The following PATJ variants were observed in gnomAD, a reference collection of about 807,000 sequenced individuals.
The protein encoded by PATJ is PATJ crumbs cell polarity complex component.
A neutral mutation model predicts 224.9 loss-of-function variants in PATJ; 190 were observed. The ratio of observed to expected loss-of-function variants is 0.84; its 90% CI spans 0.75 to 0.95. PATJ has a LOEUF of 0.95. Among genes scored for constraint, PATJ ranks in the 40% least tolerant of loss-of-function variants. The pLI is 0.00. For missense variants in PATJ, 2,121 were observed against 2,270.3 expected (o/e 0.93, Z 1.34); for synonymous variants, 769 against 820.3 (o/e 0.94, Z 1.07).
At chr1:61,835,653 C>G (rs1218661505) in intron 17 of PATJ, among the ~76,000 whole-genome samples, 1 of 152,162 alleles carries the variant, frequency 6.6e-6, no homozygotes, top group East Asian at 1.9e-4. Context: ...ATTCCCCTGC[C>G]TCAGCCTCCT....
At chr1:62,014,072 C>T (rs569648220) in intron 28 of PATJ, among the ~76,000 whole-genome samples, 1 of 152,250 alleles carries the variant, frequency 6.6e-6, no homozygotes, top group South Asian at 2.1e-4. Flanking sequence ...CCGCACCCAG[C>T]CCCCCATTCT....
At chr1:62,075,409 A>G (rs1658120144) in intron 31 of PATJ, among the ~76,000 whole-genome samples, 1 of 152,262 alleles carries the variant, frequency 6.6e-6, no homozygotes, top group African/African-American at 2.4e-5. Context: ...TATTTCTGGC[A>G]CAATGATGGG....
chr1:61,827,754 A>G (rs1658532997), intron 16 of PATJ, among the ~76,000 whole-genome samples, 171 bp downstream of exon 16: 1 of 152,238 alleles, frequency 6.6e-6, no homozygotes, highest in African/African-American at 2.4e-5. Flanking sequence ...TTTAACATCA[A>G]AAAATTCTTT....
chr1:61,893,573 G>A (rs1355455715), intron 22 of PATJ, among the ~76,000 whole-genome samples: 1 of 151,430 alleles, frequency 6.6e-6, no homozygotes, highest in Non-Finnish European at 1.5e-5. Context: ...GGCTGAGGCA[G>A]GAGGATTGCT....
At chr1:61,855,517 C>T (rs995962349) in intron 17 of PATJ, among the ~76,000 whole-genome samples, 4 of 152,098 alleles carry the variant, frequency 2.6e-5, no homozygotes, top group Non-Finnish European at 5.9e-5. Flanking sequence ...CCTTCCACCT[C>T]AGCACCCCCT....
Position 62,080,340 on chromosome 1 carries a change from C to CT in PATJ, c.4243+782dup, listed in dbSNP as rs556436941. ...TAGGTATTTCTACTTGCTTTTTTTT[C>CT]TTTTTTTTTGAGACAGAGTCTCATT... On this transcript the variant is annotated intron_variant, in intron 32 of 43. Transcript: ENST00000642238. Among the ~76,000 whole-genome samples, 336 of 150,116 alleles carry CT rather than the reference C, an allele frequency of 2.2e-3. 1 individual carries two copies. The highest frequency in any genetic ancestry group is 3.5e-3 in the Non-Finnish European group (233 of 67,360).
intron 32 of PATJ, 64 bp downstream of exon 32, chr1:62,079,631 G>A: frequency 9.8e-7 from 1 of 1,020,284 alleles, no homozygotes. Flanking sequence ...GGATCATAAT[G>A]TCCTAAAACG....
chr1:61,834,216 C>G lies in PATJ; in HGVS notation c.2112+431C>G, dbSNP rs193246503. ...CATCTTCAACACCCAAAAAAGAAATCCCATACACATTAGCATTCGTTCCCA... is the reference window on the plus strand; with the variant it reads ...CATCTTCAACACCCAAAAAAGAAATGCCATACACATTAGCATTCGTTCCCA... On this transcript the variant is annotated intron_variant, in intron 17 of 43. Coordinates refer to ENST00000642238, the MANE Select transcript of PATJ (RefSeq NM_001350145.3). Among the ~76,000 whole-genome samples the G allele has an allele frequency of 2.9e-3, 448 of 152,140 alleles. 2 individuals carry two copies. The highest frequency in any genetic ancestry group is 0.01 in the African/African-American group (431 of 41,536).
Position 62,125,260 on chromosome 1 carries a change from A to C in PATJ, c.5043+2202A>C, listed in dbSNP as rs1012244781. Among the ~76,000 whole-genome samples the C allele has an allele frequency of 5.1e-3, 552 of 108,820 alleles. 9 individuals are homozygous for C. The highest frequency in any genetic ancestry group is 7.4e-3 in the Non-Finnish European group (387 of 52,244). The allele number at this position is 108,820 out of a possible 152,430, so 71.4% of individuals were successfully genotyped here. A position where few individuals can be genotyped will look rare whatever the true frequency, so the allele number is the denominator to read the frequency against. Reference sequence around the variant, plus strand: ...TCAAAAAAAAAAAAAAAAACAAAAAAAAACAAAAAAAAAACGCCATTAGCT... The same window carrying C: ...TCAAAAAAAAAAAAAAAAACAAAAACAAACAAAAAAAAAACGCCATTAGCT... On this transcript the variant is annotated intron_variant, in intron 39 of 43. Transcript: ENST00000642238.
At chr1:62,043,041 A>G (rs1007883712) in intron 30 of PATJ, among the ~76,000 whole-genome samples, 3 of 152,198 alleles carry the variant, frequency 2.0e-5, no homozygotes, top group Non-Finnish European at 2.9e-5. Context: ...TTGAGTGAGC[A>G]AGAGTGCTAA....
At chr1:61,987,504 C>A (rs1644830154) in intron 27 of PATJ, among the ~76,000 whole-genome samples, 1 of 151,874 alleles carries the variant, frequency 6.6e-6, no homozygotes, top group Non-Finnish European at 1.5e-5. Context: ...ACCATCTTAC[C>A]CTATAAGTCC....
chr1:61,932,477 G>C (rs780286490), intron 27 of PATJ, among the ~76,000 whole-genome samples: 2 of 152,202 alleles, frequency 1.3e-5, no homozygotes, highest in Admixed American at 1.3e-4. Flanking sequence ...TTTCAAGAAG[G>C]CTGTCACTGA....
intron 27 of PATJ, among the ~76,000 whole-genome samples, chr1:61,980,480 G>GT (rs1644396646): frequency 1.8e-5 from 2 of 114,094 alleles, no homozygotes; most frequent in Non-Finnish European, 3.4e-5. Flanking sequence ...TGTGTGTGTG[G>GT]TATGCATTTT....
intron 29 of PATJ, among the ~76,000 whole-genome samples, chr1:62,025,168 G>A (rs958706748): frequency 6.6e-6 from 1 of 152,138 alleles, no homozygotes; most frequent in Non-Finnish European, 1.5e-5. Flanking sequence ...GAGACATTTG[G>A]TTTCCTCTGT....
intron 29 of PATJ, among the ~76,000 whole-genome samples, chr1:62,024,567 T>C (rs1485670671): frequency 2.6e-5 from 4 of 151,936 alleles, no homozygotes; most frequent in African/African-American, 4.8e-5. Flanking sequence ...GACATGAGCT[T>C]GCTTTTTTTC....
chr1:62,156,307 A>C (rs1669212956), intron 43 of PATJ, among the ~76,000 whole-genome samples: 1 of 151,938 alleles, frequency 6.6e-6, no homozygotes, highest in African/African-American at 2.4e-5. Context: ...AGGCAGGCTG[A>C]TCACTTGAGG....
At chr1:61,892,014 C>G (rs1669673087) in intron 22 of PATJ, among the ~76,000 whole-genome samples, 1 of 152,268 alleles carries the variant, frequency 6.6e-6, no homozygotes, top group African/African-American at 2.4e-5. Flanking sequence ...CCTTCTTTTA[C>G]TCAAGACAAT....
chr1:62,002,315 T>C (rs1398875150), intron 28 of PATJ, among the ~76,000 whole-genome samples: 1 of 152,200 alleles, frequency 6.6e-6, no homozygotes, highest in Non-Finnish European at 1.5e-5. Flanking sequence ...GTGGTAGTAC[T>C]GGACTCTGGA....
chr1:61,742,707 G>T (rs1644818435), intron 1 of PATJ, among the ~76,000 whole-genome samples, 152 bp downstream of exon 1: 1 of 151,574 alleles, frequency 6.6e-6, no homozygotes, highest in Non-Finnish European at 1.5e-5. Context: ...GTGGGTGGGA[G>T]CCGGAGGTGG....
Sources: allele counts gnomAD v4.1 joint callset (sites outside exome capture counted in the v4.1 genomes callset), GRCh38; gene constraint gnomAD v4.1.1; transcripts MANE v1.5; gene names NCBI Gene and HGNC (gene_info 2026-07-23, HGNC 2026-07-21).